Variants in RXFP1 observed in about 807,000 individuals in gnomAD.
The protein encoded by RXFP1 is relaxin family peptide receptor 1, also known as relaxin receptor 1.
Under a neutral mutation model 89.8 loss-of-function variants are expected in RXFP1, and 73 were observed. That is an observed-to-expected ratio of 0.81 (90% CI 0.67 to 0.99). The LOEUF is 0.99. RXFP1 is among the 50% of genes least tolerant of loss of function. The pLI is 0.00. For missense variants in RXFP1, 793 were observed against 895.5 expected, an observed-to-expected ratio of 0.89 and a Z score of 1.46; for synonymous variants, 277 against 305.5, an observed-to-expected ratio of 0.91 and a Z score of 0.97.
chr4:158,598,683 C>G (rs955041231), intron 3 of RXFP1, among the ~76,000 whole-genome samples: 1 of 152,306 alleles, frequency 6.6e-6, no homozygotes, highest in Non-Finnish European at 1.5e-5. Flanking sequence ...CATTCTCCCT[C>G]TCTTTCCAAC....
At chr4:158,648,820 T>TTGTA in intron 17 of RXFP1, 103 bp downstream of exon 17, 1 of 753,616 alleles carries the variant, frequency 1.3e-6, no homozygotes, top group Non-Finnish European at 2.1e-6. Context: ...ATTCAAAGAA[T>TTGTA]TGTACATCAG....
At chr4:158,581,465 T>C (rs1757347844) in intron 2 of RXFP1, among the ~76,000 whole-genome samples, 1 of 152,252 alleles carries the variant, frequency 6.6e-6, no homozygotes, top group South Asian at 2.1e-4. Context: ...CTCTTATTGA[T>C]AAAATTTGAA....
intron 9 of RXFP1, among the ~76,000 whole-genome samples, chr4:158,617,855 T>G (rs1483055275): frequency 6.6e-6 from 1 of 152,136 alleles, no homozygotes; most frequent in African/African-American, 2.4e-5. Context: ...TATAAGAAAT[T>G]CTCAGAAGTT....
rs542890750 is a variant in RXFP1, at chr4:158,553,667, G to A, written c.50-19031G>A. On this transcript the variant is annotated intron_variant, in intron 1 of 17. Transcript: ENST00000307765. ...TTTCTTTATGGCTAGCTCTTACACA[G>A]AAAGGCAGGGGAAGGTTAGAGTCAT... 1.1e-4 allele frequency among the ~76,000 whole-genome samples: 16 copies of A among 152,290 alleles called. No homozygotes were observed. The South Asian group carries it at 3.3e-3, about 32-fold the overall frequency.
intron 2 of RXFP1, among the ~76,000 whole-genome samples, chr4:158,587,177 G>C (rs1040105810): frequency 2.1e-4 from 32 of 152,150 alleles, no homozygotes; most frequent in African/African-American, 7.0e-4. Context: ...GCCCTGGTAG[G>C]CTGCAAGGTC....
intron 1 of RXFP1, among the ~76,000 whole-genome samples, chr4:158,567,368 T>A (rs1279764909): frequency 6.6e-6 from 1 of 152,146 alleles, no homozygotes; most frequent in Non-Finnish European, 1.5e-5. Context: ...GGCTCCTGAG[T>A]CTGGTGGGCA....
intron 14 of RXFP1, among the ~76,000 whole-genome samples, chr4:158,643,468 G>GTTTTTTTT (rs59869659): frequency 8.9e-6 from 1 of 112,818 alleles, no homozygotes; most frequent in Non-Finnish European, 1.7e-5. Context: ...TCATATGCTA[G>GTTTTTTTT]TTTTTTTTTT....
chr4:158,611,236 G>C (rs1763519444), intron 6 of RXFP1, among the ~76,000 whole-genome samples: 1 of 152,188 alleles, frequency 6.6e-6, no homozygotes, highest in South Asian at 2.1e-4. Context: ...ATAAGTAGAG[G>C]AGTCAGGAAT....
intron 1 of RXFP1, among the ~76,000 whole-genome samples, chr4:158,570,364 G>C (rs751710818): frequency 1.3e-5 from 2 of 152,116 alleles, no homozygotes; most frequent in African/African-American, 2.4e-5. Context: ...AGAAAGTATT[G>C]AGCTGAGTTA....
At chr4:158,621,290 C>A (rs997642211) in intron 9 of RXFP1, among the ~76,000 whole-genome samples, 1 of 152,132 alleles carries the variant, frequency 6.6e-6, no homozygotes, top group Non-Finnish European at 1.5e-5. Flanking sequence ...CCAGCCTGGG[C>A]AACAGAGGGA....
At chr4:158,649,409 A>G (rs771464368) in intron 17 of RXFP1, among the ~76,000 whole-genome samples, 1 of 152,196 alleles carries the variant, frequency 6.6e-6, no homozygotes, top group Non-Finnish European at 1.5e-5. Flanking sequence ...AGAGAAGATC[A>G]TGCCAGAGTG....
At chr4:158,590,188 C>T (rs1033759742) in intron 2 of RXFP1, among the ~76,000 whole-genome samples, 3 of 152,136 alleles carry the variant, frequency 2.0e-5, no homozygotes, top group African/African-American at 4.8e-5. Context: ...AAAAGATTAT[C>T]TGAGGGTAGT....
chr4:158,633,308 A>G, intron 11 of RXFP1, 97 bp from the exon 12 acceptor site: 3 of 746,960 alleles, frequency 4.0e-6, no homozygotes, highest in African/African-American at 1.8e-5. Flanking sequence ...CACCAATGGC[A>G]TTGTTGAAAA....
intron 6 of RXFP1, among the ~76,000 whole-genome samples, chr4:158,611,469 T>C (rs944879843): frequency 2.6e-5 from 4 of 152,184 alleles, no homozygotes; most frequent in Admixed American, 2.6e-4. Context: ...CCTAGGTTTA[T>C]CTCCTGTCTC....
At position 158,525,900 on chromosome 4, in the gene RXFP1, A is replaced by G. The variant is rs779878616; in HGVS notation, c.49+3875A>G. ...TAAAAAGCCTATGCTATTAAACATG[A>G]TTCAATTCTAACACTTTCTTAAATT... On this transcript the variant is annotated intron_variant, in intron 1 of 17. Coordinates refer to ENST00000307765, the MANE Select transcript of RXFP1 (RefSeq NM_021634.4). Among the ~76,000 whole-genome samples the G allele has an allele frequency of 3.3e-5, 5 of 152,254 alleles. No individual in the cohort carries two copies. The East Asian group carries it at 9.6e-4, about 29-fold the overall frequency.
intron 1 of RXFP1, among the ~76,000 whole-genome samples, chr4:158,567,093 CT>C (rs1753739454): frequency 6.6e-6 from 1 of 152,174 alleles, no homozygotes; most frequent in African/African-American, 2.4e-5. Flanking sequence ...GGGCCAGCAG[CT>C]GCTGTGCTGG....
intron 8 of RXFP1, among the ~76,000 whole-genome samples, chr4:158,613,025 C>G (rs568205880): frequency 6.6e-5 from 10 of 152,320 alleles, no homozygotes; most frequent in Non-Finnish European, 1.2e-4. Context: ...GCAAGTCACA[C>G]AAATTTTTTT....
intron 1 of RXFP1, among the ~76,000 whole-genome samples, chr4:158,564,523 T>C (rs1466271919): frequency 6.6e-6 from 1 of 152,168 alleles, no homozygotes; most frequent in African/African-American, 2.4e-5. Flanking sequence ...CCAGAGAGAC[T>C]CCATGACAAC....
chr4:158,563,504 A>G (rs1175320400), intron 1 of RXFP1, among the ~76,000 whole-genome samples: 8 of 133,644 alleles, frequency 6.0e-5, no homozygotes, highest in African/African-American at 1.9e-4. Flanking sequence ...ATGCACACAC[A>G]CACACACACA....
Sources: allele counts gnomAD v4.1 joint callset (sites outside exome capture counted in the v4.1 genomes callset), GRCh38; gene constraint gnomAD v4.1.1; transcripts MANE v1.5; gene names NCBI Gene and HGNC (gene_info 2026-07-23, HGNC 2026-07-21).